EFCAB6: variants seen among roughly 807,000 people sequenced by gnomAD.
The protein encoded by EFCAB6 is EF-hand calcium binding domain 6, also known as EF-hand calcium-binding domain-containing protein 6.
EFCAB6 carries 156 observed loss-of-function variants against 169.8 expected under a neutral mutation model. That is an observed-to-expected ratio of 0.92 (90% CI 0.81 to 1.05). The LOEUF is 1.05. Ranked by LOEUF, EFCAB6 falls within the 50% of genes least tolerant of loss-of-function variation. EFCAB6 has a pLI of 0.00. For synonymous variants in EFCAB6, 698 were observed against 676.4 expected, an observed-to-expected ratio of 1.03 and a Z score of -0.50; for missense variants, 1,800 against 1,829.1, an observed-to-expected ratio of 0.98 and a Z score of 0.29.
chr22:43,762,067 C>T (rs1415905781), intron 5 of EFCAB6, among the ~76,000 whole-genome samples: 1 of 152,164 alleles, frequency 6.6e-6, no homozygotes, highest in Non-Finnish European at 1.5e-5. Flanking sequence ...GGGCACACCC[C>T]GTCCAGGATT....
At chr22:43,624,246 G>A (rs1468839202) in intron 20 of EFCAB6, among the ~76,000 whole-genome samples, 1 of 152,176 alleles carries the variant, frequency 6.6e-6, no homozygotes, top group Non-Finnish European at 1.5e-5. Flanking sequence ...TTTGGTTTGG[G>A]TCCACCAGAC....
In EFCAB6 at chr22:43,631,458, C is replaced by G. The variant is rs527378403; in HGVS notation, c.2232+647G>C. Among the ~76,000 whole-genome samples the G allele has an allele frequency of 3.2e-4, 49 of 152,158 alleles. No homozygotes were observed. In the South Asian group the frequency reaches 5.2e-3, roughly 16 times the overall value. ...TCCCCAGAGCCCATGCCTCATCTGTCCCGGCCTGGCTCAGGCTGCCTCATC... is the reference window on the plus strand; with the variant it reads ...TCCCCAGAGCCCATGCCTCATCTGTGCCGGCCTGGCTCAGGCTGCCTCATC... On this transcript the variant is annotated intron_variant, in intron 19 of 31. Coordinates refer to ENST00000262726, the MANE Select transcript of EFCAB6 (RefSeq NM_022785.4).
At chr22:43,708,647 G>T (rs533403419) in intron 10 of EFCAB6, among the ~76,000 whole-genome samples, 6 of 152,054 alleles carry the variant, frequency 3.9e-5, no homozygotes, top group Non-Finnish European at 7.4e-5. Context: ...AGAGTAAAAA[G>T]TTGGAAAAAG....
intron 26 of EFCAB6, among the ~76,000 whole-genome samples, chr22:43,567,150 C>T (rs978122426): frequency 6.7e-6 from 1 of 149,322 alleles, no homozygotes; most frequent in Non-Finnish European, 1.5e-5. Context: ...TCATCCTCCT[C>T]GTCCTCCCCC....
In EFCAB6 at chr22:43,602,795, T is replaced by G. The variant is rs137893670; in HGVS notation, c.2682-2532A>C. On this transcript the variant is annotated intron_variant, in intron 22 of 31. Transcript: ENST00000262726. ...AAAGAACCACAACCGTGCCTTCCTTTGAGCTCCTCAAGGCGCGGTGAGGAC... is the reference window on the plus strand; with the variant it reads ...AAAGAACCACAACCGTGCCTTCCTTGGAGCTCCTCAAGGCGCGGTGAGGAC... Among the ~76,000 whole-genome samples, 535 of 152,204 alleles carry G rather than the reference T, an allele frequency of 3.5e-3. 2 individuals are homozygous for G. The highest frequency in any genetic ancestry group is 0.012 in the African/African-American group (513 of 41,524).
chr22:43,547,572 T>G lies in EFCAB6; in HGVS notation c.3649-7215A>C, dbSNP rs2048132019. ...CTGGGCAACATGGCAAAACTCAGTC[T>G]CTACAAAAAACCAACCAATCAACCA... On this transcript the variant is annotated intron_variant, in intron 27 of 31. Coordinates refer to ENST00000262726, the MANE Select transcript of EFCAB6 (RefSeq NM_022785.4). 2.0e-5 allele frequency among the ~76,000 whole-genome samples: 3 copies of G among 151,614 alleles called. No individual in the cohort carries two copies. In the South Asian group the frequency reaches 6.3e-4, roughly 32 times the overall value.
chr22:43,743,930 G>A (rs959323709), intron 6 of EFCAB6, among the ~76,000 whole-genome samples: 7 of 151,578 alleles, frequency 4.6e-5, no homozygotes, highest in African/African-American at 1.7e-4. Flanking sequence ...ATGGATGGAT[G>A]ATGAATGAAT....
In EFCAB6 at chr22:43,642,234, C is replaced by A. The variant is rs1055270081; in HGVS notation, c.1984-7018G>T. Among the ~76,000 whole-genome samples the A allele has an allele frequency of 5.9e-5, 9 of 152,218 alleles. 1 individual carries two copies. Among genetic ancestry groups the A allele is most frequent in the African/African-American group, 2.2e-4 (9 of 41,460 alleles). On this transcript the variant is annotated intron_variant, in intron 17 of 31. Transcript: ENST00000262726. ...GGGATTACAGGCATGAGCCACCATTCCCGGCTGAGATTGGCTTTTTAGCCA... is the reference window on the plus strand; with the variant it reads ...GGGATTACAGGCATGAGCCACCATTACCGGCTGAGATTGGCTTTTTAGCCA...
chr22:43,638,269 A>G (rs1233537986), intron 17 of EFCAB6, among the ~76,000 whole-genome samples: 1 of 152,218 alleles, frequency 6.6e-6, no homozygotes, highest in Non-Finnish European at 1.5e-5. Context: ...ATAAGAAGGA[A>G]GGCTCACCAG....
chr22:43,799,990 C>T (rs975240568), intron 2 of EFCAB6, among the ~76,000 whole-genome samples: 6 of 152,158 alleles, frequency 3.9e-5, no homozygotes, highest in Admixed American at 2.0e-4. Context: ...TGCCTTAATC[C>T]ATCACAAGTG....
At chr22:43,580,817 T>C (rs1376323945) in intron 24 of EFCAB6, among the ~76,000 whole-genome samples, 158 bp from the exon 25 acceptor site, 2 of 152,226 alleles carry the variant, frequency 1.3e-5, no homozygotes, top group African/African-American at 4.8e-5. Context: ...CAGTTAGCTC[T>C]GCTCTCAGGT....
At chr22:43,700,666 C>T (rs2058735823) in intron 10 of EFCAB6, among the ~76,000 whole-genome samples, 1 of 152,186 alleles carries the variant, frequency 6.6e-6, no homozygotes, top group African/African-American at 2.4e-5. Context: ...GGCCTTTTAT[C>T]CATTCTTATT....
At chr22:43,792,442 A>C (rs1053432793) in intron 2 of EFCAB6, among the ~76,000 whole-genome samples, 3 of 152,220 alleles carry the variant, frequency 2.0e-5, no homozygotes, top group Non-Finnish European at 4.4e-5. Flanking sequence ...AGGAGCACAA[A>C]GAGTGATGGG....
chr22:43,581,012 G>C (rs766765250), intron 24 of EFCAB6, among the ~76,000 whole-genome samples: 1 of 152,196 alleles, frequency 6.6e-6, no homozygotes, highest in Admixed American at 6.5e-5. Flanking sequence ...CCTATGACGG[G>C]GGCACGTGAA....
chr22:43,549,397 T>C (rs1278563768), intron 27 of EFCAB6, among the ~76,000 whole-genome samples: 2 of 152,094 alleles, frequency 1.3e-5, no homozygotes, highest in East Asian at 3.8e-4. Flanking sequence ...AAGATAACAG[T>C]ACACTATTAA....
rs762654834 is a variant in EFCAB6 at position 43,528,899 on chromosome 22, G to A, written c.4460C>T (p.Ser1487Phe). ...GAAGTCGTTGTAGGAGATTTTTGAA[G>A]ACAGCGTCTTATCGTAATACTCCAG... ...HILEYYDKTL[S>F]SKISYNDFLR... is the part of the protein sequence containing the mutation. Residue 1487 changes from serine to phenylalanine, a missense_variant, in exon 32 of 32, where the codon TCT becomes TTT. Ser to Phe is a radical substitution (Grantham distance 155, BLOSUM62 -2). Coordinates refer to ENST00000262726, the MANE Select transcript of EFCAB6 (RefSeq NM_022785.4). 24 of 1,611,704 alleles carry A rather than the reference G, an allele frequency of 1.5e-5. No individual in the cohort carries two copies. Among genetic ancestry groups the A allele is most frequent in the African/African-American group, 8.0e-5 (6 of 74,910 alleles).
chr22:43,540,265 G>C lies in EFCAB6; in HGVS notation c.3741C>G (p.Ala1247=), dbSNP rs897445409. Residue 1247 remains alanine (A), a synonymous_variant, in exon 28 of 32, where the codon GCC becomes GCG. Coordinates refer to ENST00000262726, the MANE Select transcript of EFCAB6 (RefSeq NM_022785.4). Reference sequence around the variant, plus strand: ...CCGAGTCACCAGTGGCCATTGGTGTGGCTGCTGTCTCGGAACTGAACCTGC... The same window carrying C: ...CCGAGTCACCAGTGGCCATTGGTGTCGCTGCTGTCTCGGAACTGAACCTGC... ...FLSRFSSETA[A]TPMATGDSAV... 1.9e-6 allele frequency: 3 copies of C among 1,614,130 alleles called. No homozygotes were observed. The highest frequency in any genetic ancestry group is 2.5e-6 in the Non-Finnish European group (3 of 1,180,062).
intron 11 of EFCAB6, among the ~76,000 whole-genome samples, chr22:43,686,291 A>C (rs1203043374): frequency 3.3e-5 from 5 of 151,870 alleles, no homozygotes; most frequent in Non-Finnish European, 7.4e-5. Flanking sequence ...AATAATTTTT[A>C]ATTTTTTTTT....
intron 10 of EFCAB6, among the ~76,000 whole-genome samples, chr22:43,707,094 C>T (rs559257835): frequency 6.6e-6 from 1 of 152,068 alleles, no homozygotes; most frequent in Non-Finnish European, 1.5e-5. Context: ...CTAATAGCAA[C>T]CCTGAAATCT....
Sources: allele counts gnomAD v4.1 joint callset (sites outside exome capture counted in the v4.1 genomes callset), GRCh38; gene constraint gnomAD v4.1.1; transcripts MANE v1.5; gene names NCBI Gene and HGNC (gene_info 2026-07-23, HGNC 2026-07-21).